Variants in CIZ1 observed in about 807,000 individuals in gnomAD.
The protein encoded by CIZ1 is cip1-interacting zinc finger protein.
Under a neutral mutation model 118.6 loss-of-function variants are expected in CIZ1, and 58 were observed. That is an observed-to-expected ratio of 0.49 (90% confidence interval 0.40 to 0.61). CIZ1 has a LOEUF of 0.61. Ranked by LOEUF, CIZ1 falls within the 20% of genes least tolerant of loss-of-function variation. The pLI is 0.00. For missense variants in CIZ1, 921 were observed against 1,115.9 expected (o/e 0.83, Z 2.49); for synonymous variants, 448 against 443.4 (o/e 1.01, Z -0.13).
chr9:128,179,096 G>C lies in CIZ1; in HGVS notation c.1111C>G (p.Pro371Ala), dbSNP rs771840117. The change falls in exon 8 of 17, where the codon CCA (proline) becomes GCA (alanine). Residue 371 changes from proline to alanine, a missense_variant. By Grantham distance (27) the Pro-to-Ala change is conservative (BLOSUM62 -1). Coordinates refer to ENST00000372938, the MANE Select transcript of CIZ1 (RefSeq NM_001131016.2). ...ACCTGTGGCTGCACCTGCTTCTGTG[G>C]CTCTGCCTCCTGCTGCAGCTGTGGC... The part of the protein sequence containing the change: ...VQPQLQQEAE[P>A]QKQVQPQVQP... The C allele has an allele frequency of 3.1e-6, 5 of 1,613,892 alleles. No homozygotes were observed. The South Asian group carries it at 5.5e-5, about 18-fold the overall frequency.
At chr9:128,202,390 T>C (rs528202654) in intron 1 of CIZ1, among the ~76,000 whole-genome samples, 1 of 152,312 alleles carries the variant, frequency 6.6e-6, no homozygotes, top group African/African-American at 2.4e-5. Context: ...CAGGGTAGGA[T>C]TGTAGGAGCC....
chr9:128,191,679 G>A (rs10987917), upstream of CIZ1: 1 of 1,286,862 alleles, frequency 7.8e-7, no homozygotes, highest in Non-Finnish European at 9.9e-7. The surrounding 1 kb of genome is among the most constrained non-coding windows in gnomAD (Gnocchi z 5.5). Flanking sequence ...AGTCACGCTG[G>A]GGGGCGGCTG....
chr9:128,203,324 TC>T lies in CIZ1; in HGVS notation c.-6+861del. 3.0e-6 allele frequency: 2 copies of T among 664,466 alleles called. No homozygotes were observed. The highest frequency in any genetic ancestry group is 4.0e-6 in the Non-Finnish European group (2 of 499,562). The allele number at this position is 664,466 out of a possible 1,614,324, so 41.2% of individuals were successfully genotyped here. ...GCGCCGCGGGCTCCCCCTAGCGGCGTCCGGGAGCGGTGCTCGCTCCGATCCC... is the reference window on the plus strand; with the variant it reads ...GCGCCGCGGGCTCCCCCTAGCGGCGTCGGGAGCGGTGCTCGCTCCGATCCC... On this transcript the variant is annotated intron_variant, in intron 1 of 17. Coordinates refer to the CIZ1 transcript ENST00000372948. The surrounding 1 kb of genome is among the most constrained non-coding windows in gnomAD (Gnocchi z 5.3).
In CIZ1 at chr9:128,169,027, G is replaced by A. The variant is rs755865857; in HGVS notation, c.2295+25C>T. 37 of 1,613,246 alleles carry A rather than the reference G, an allele frequency of 2.3e-5. No individual in the cohort carries two copies. In the African/African-American group the frequency reaches 4.0e-4, roughly 17 times the overall value. On this transcript the variant is annotated intron_variant, in intron 14 of 16. Transcript: ENST00000372938. The stretch of plus-strand genomic sequence containing the variant: ...GGGCTGGGAATCCAGCACCAAGCCC[G>A]CCTCCCACACCCTCCCCCCAGCACC...
At chr9:128,168,915 T>C in intron 14 of CIZ1, 137 bp downstream of exon 14, 1 of 1,213,482 alleles carries the variant, frequency 8.2e-7, no homozygotes, top group East Asian at 2.4e-5. Flanking sequence ...CAGAAGGCAG[T>C]TGACAGTAAT....
intron 4 of CIZ1, among the ~76,000 whole-genome samples, chr9:128,186,580 T>G (rs1386739216): frequency 6.6e-6 from 1 of 152,160 alleles, no homozygotes; most frequent in Non-Finnish European, 1.5e-5. Context: ...CAAACCATAT[T>G]CTGAGTTCAT....
At chr9:128,176,156 G>A (rs1217211945) in intron 11 of CIZ1, among the ~76,000 whole-genome samples, 195 bp downstream of exon 11, 1 of 152,204 alleles carries the variant, frequency 6.6e-6, no homozygotes, top group Non-Finnish European at 1.5e-5. Context: ...ATGAATTCCT[G>A]TACTATATCC....
intron 1 of CIZ1, 109 bp from the exon 2 acceptor site, chr9:128,190,971 G>T: frequency 7.2e-7 from 1 of 1,395,206 alleles, no homozygotes; most frequent in Non-Finnish European, 9.5e-7. Flanking sequence ...GACTGCTGAG[G>T]AGCTTCACAG....
chr9:128,179,196 C>T lies in CIZ1; in HGVS notation c.1011G>A (p.Val337=). The change falls in exon 8 of 17, where the codon GTG becomes GTA. Residue 337 remains valine, a synonymous_variant. Transcript: ENST00000372938. ...QPRIPSTDTQ[V]QPKLQKQAQT... ...GCGCCTGCTTCTGCAGCTTTGGCTG[C>T]ACCTGGGTGTCTGTGGATGGTATCC... The T allele has an allele frequency of 6.2e-7, 1 of 1,614,168 alleles. No homozygotes were observed. The highest frequency in any genetic ancestry group is 8.5e-7 in the Non-Finnish European group (1 of 1,180,020).
intron 5 of CIZ1, 33 bp downstream of exon 5, chr9:128,185,514 T>TCC: frequency 1.6e-5 from 15 of 928,354 alleles, no homozygotes; most frequent in Admixed American, 5.3e-5. Context: ...CAGGGTCCCC[T>TCC]CCCGCCCACT....
intron 9 of CIZ1, 58 bp downstream of exon 9, chr9:128,178,311 C>T: frequency 6.4e-7 from 1 of 1,555,772 alleles, no homozygotes; most frequent in Non-Finnish European, 8.7e-7. Flanking sequence ...AGAAAGAGGC[C>T]ATCCCACCCT....
Position 128,191,239 on chromosome 9 carries a change from C to G in CIZ1, c.-6+193G>C, listed in dbSNP as rs928722913. 11 of 254,354 alleles carry G rather than the reference C, an allele frequency of 4.3e-5. No individual in the cohort carries two copies. Among genetic ancestry groups the G allele is most frequent in the Middle Eastern group, 1.3e-3 (1 of 770 alleles). 15.8% of individuals were successfully genotyped at this position (254,354 alleles called of 1,614,324 possible). A position where few individuals can be genotyped will look rare whatever the true frequency, so the allele number is the denominator to read the frequency against. ...TCAATACCGCAACCCTCTCTGGGCC[C>G]CCGGGTGTCAATAACATCGGCACCC... is the stretch of plus-strand genomic sequence containing the variant. On this transcript the variant is annotated intron_variant, in intron 1 of 16. Transcript: ENST00000372938. This position sits in a 1 kb window ranked among gnomAD's most constrained non-coding sequence, Gnocchi z 5.5.
Position 128,185,599 on chromosome 9 carries a change from C to A in CIZ1, c.536G>T (p.Arg179Leu). 1 of 1,534,256 alleles carries A rather than the reference C, an allele frequency of 6.5e-7. No homozygotes were observed. The change falls in exon 5 of 17, where the codon CGG becomes CTG. Residue 179 changes from arginine to leucine, a missense_variant. Transcript: ENST00000372938. The part of the protein sequence containing the change: ...MNPSQFNLSG[R>L]NPQKQARTSS... ...GGTCCGGGCCTGTTTCTGGGGGTTCCGTCCTGAAAGGTTGAACTGGGAAGG... is the reference window on the plus strand; with the variant it reads ...GGTCCGGGCCTGTTTCTGGGGGTTCAGTCCTGAAAGGTTGAACTGGGAAGG...
At chr9:128,180,671 C>G (rs2130965251) in intron 6 of CIZ1, 50 bp downstream of exon 6, 1 of 1,458,844 alleles carries the variant, frequency 6.9e-7, no homozygotes, top group Non-Finnish European at 9.5e-7. Flanking sequence ...CGCCCACTGG[C>G]CCCACCCCAT....
chr9:128,181,113 G>A (rs1424714737), intron 5 of CIZ1, among the ~76,000 whole-genome samples: 1 of 152,040 alleles, frequency 6.6e-6, no homozygotes, highest in Non-Finnish European at 1.5e-5. Flanking sequence ...GAAGTAGCCA[G>A]TGGGGTCCTT....
intron 6 of CIZ1, 53 bp from the exon 7 acceptor site, chr9:128,180,576 T>G: frequency 2.0e-6 from 3 of 1,517,136 alleles, no homozygotes; most frequent in Non-Finnish European, 2.7e-6. Flanking sequence ...CAAGCATCTC[T>G]GACCTCCAAG....
In CIZ1 at chr9:128,177,701, A is replaced by G. The variant is rs1359938672; in HGVS notation, c.1683T>C (p.Phe561=). Residue 561 remains phenylalanine, a synonymous_variant, in exon 10 of 17, where the codon TTT becomes TTC. Transcript: ENST00000372938. ...TILQSSDSRA[F]STVPLTPVPR... is the part of the protein sequence containing the mutation. ...GGACAGGTGTCAGGGGTACAGTGCT[A>G]AAGGCCCGGCTGTCACTGCTCTGCA... The G allele has an allele frequency of 1.2e-6, 2 of 1,607,596 alleles. No individual in the cohort carries two copies. Among genetic ancestry groups the G allele is most frequent in the Non-Finnish European group, 1.7e-6 (2 of 1,177,214 alleles).
At chr9:128,201,249 C>G (rs1024311263) in intron 1 of CIZ1, among the ~76,000 whole-genome samples, 1 of 148,168 alleles carries the variant, frequency 6.7e-6, no homozygotes, top group Non-Finnish European at 1.5e-5. Flanking sequence ...GCCTGGGTAA[C>G]AGAGCGAGAT....
rs561723587 is a variant in CIZ1, at chr9:128,190,617, GGGATCGGGAGCTCCGA to G, written c.170+55_170+70del. 6.6e-5 allele frequency: 100 copies of G among 1,511,044 alleles called. No individual in the cohort carries two copies. In the African/African-American group the frequency reaches 1.2e-3, roughly 19 times the overall value. 93.6% of individuals were successfully genotyped at this position (1,511,044 alleles called of 1,614,324 possible). On this transcript the variant is annotated intron_variant, in intron 2 of 16. Coordinates refer to ENST00000372938, the MANE Select transcript of CIZ1 (RefSeq NM_001131016.2). ...GGGGATGGCACTGGGAAAAAGGATG[GGGATCGGGAGCTCCGA>G]GACATGGGTCTGAGTAGCAAGGCTG...
Sources: allele counts gnomAD v4.1 joint callset (sites outside exome capture counted in the v4.1 genomes callset), GRCh38; gene constraint gnomAD v4.1.1; non-coding constraint Gnocchi (gnomAD v3.1); transcripts MANE v1.5; gene names NCBI Gene and HGNC (gene_info 2026-07-23, HGNC 2026-07-21).